Variants in LRRC8B observed in about 807,000 individuals in gnomAD.
LRRC8B encodes volume-regulated anion channel subunit LRRC8B.
LRRC8B carries 23 observed loss-of-function variants against 58.8 expected under a neutral mutation model. The ratio of observed to expected loss-of-function variants is 0.39; its 90% CI spans 0.28 to 0.55. LRRC8B has a LOEUF of 0.55. Ranked by LOEUF, LRRC8B falls within the 20% of genes least tolerant of loss-of-function variation. The pLI, the probability that LRRC8B is intolerant of heterozygous loss-of-function variation, is 0.62. For synonymous variants in LRRC8B, 359 were observed against 374.1 expected, an observed-to-expected ratio of 0.96 and a Z score of 0.47; for missense variants, 694 against 936.0, an observed-to-expected ratio of 0.74 and a Z score of 3.37.
chr1:89,535,898 T>C (rs1650491955), intron 1 of LRRC8B, among the ~76,000 whole-genome samples: 1 of 152,164 alleles, frequency 6.6e-6, no homozygotes, highest in Admixed American at 6.5e-5. Context: ...TGGGATTTTT[T>C]TTTTCTTTAC....
At chr1:89,564,811 G>A (rs753938318) in intron 1 of LRRC8B, among the ~76,000 whole-genome samples, 2 of 152,186 alleles carry the variant, frequency 1.3e-5, no homozygotes, top group Non-Finnish European at 2.9e-5. Context: ...AGGGGGACAA[G>A]TAGGGTAGCA....
chr1:89,551,400 T>G (rs1193260412), intron 1 of LRRC8B, among the ~76,000 whole-genome samples: 1 of 152,154 alleles, frequency 6.6e-6, no homozygotes, highest in East Asian at 1.9e-4. Flanking sequence ...TTTAAATGAC[T>G]ATGAAAAAAA....
At chr1:89,543,796 A>AT (rs200061096) in intron 1 of LRRC8B, among the ~76,000 whole-genome samples, 3,197 of 144,960 alleles carry the variant, frequency 0.022, 112 homozygotes, top group African/African-American at 0.077. Context: ...ATCCCTGGCC[A>AT]TTTTTTTTTG....
At chr1:89,528,921 C>T (rs890150900) in intron 1 of LRRC8B, among the ~76,000 whole-genome samples, 3 of 152,098 alleles carry the variant, frequency 2.0e-5, no homozygotes, top group Admixed American at 1.3e-4. Flanking sequence ...TTGCCTAGAA[C>T]TTAGTAACAT....
rs1654485662 is a variant in LRRC8B at position 89,584,540 on chromosome 1, G to A, written c.1890G>A (p.Gln630=). 1.9e-6 allele frequency: 3 copies of A among 1,614,076 alleles called. No individual in the cohort carries two copies. Among genetic ancestry groups the A allele is most frequent in the African/African-American group, 1.3e-5 (1 of 74,936 alleles). Residue 630 remains glutamine (Q), a synonymous_variant, in exon 5 of 6, where the codon CAG becomes CAA. Coordinates refer to ENST00000330947, the MANE Select transcript of LRRC8B (RefSeq NM_001369817.2). ...LKTVEEIISF[Q]HLQNLSCLKL... ...CTGTGGAAGAGATCATTAGCTTTCA[G>A]CATCTTCAGAATCTTTCCTGCTTAA... is the stretch of plus-strand genomic sequence containing the variant.
At position 89,592,784 on chromosome 1, in the gene LRRC8B, C is replaced by G; in HGVS notation, c.2153C>G (p.Pro718Arg). The G allele has an allele frequency of 6.2e-7, 1 of 1,613,798 alleles. No homozygotes were observed. Among genetic ancestry groups the G allele is most frequent in the Non-Finnish European group, 8.5e-7 (1 of 1,179,920 alleles). ...TTCCCTTTCCAGATTGAGATGCTAC[C>G]AGATGGGCTGTTTCAGTGCAAAAAG... ...AVTNNNIEMLPDGLFQCKKLQ... is the reference protein window; with the variant it reads ...AVTNNNIEMLRDGLFQCKKLQ... The change falls in exon 6 of 6, where the codon CCA becomes CGA. Residue 718 changes from proline to arginine, a missense_variant. This residue lies in a region of LRRC8B where 139 missense variants were observed against 158.2 expected (regional missense o/e 0.88). Coordinates refer to ENST00000330947, the MANE Select transcript of LRRC8B (RefSeq NM_001369817.2).
intron 1 of LRRC8B, among the ~76,000 whole-genome samples, chr1:89,531,133 C>A (rs1224445477): frequency 6.6e-6 from 1 of 152,108 alleles, no homozygotes; most frequent in African/African-American, 2.4e-5. Flanking sequence ...TTTCTTTTAA[C>A]AAAACTGAGT....
At position 89,541,603 on chromosome 1, in the gene LRRC8B, T is replaced by C. The variant is rs1363463388; in HGVS notation, c.-241+16581T>C. Reference sequence around the variant, plus strand: ...GCGGGCGCCTGTAGTCCCAGCTACTTGGGAGGCTGAGGCAGGAGAATGGCG... The same window carrying C: ...GCGGGCGCCTGTAGTCCCAGCTACTCGGGAGGCTGAGGCAGGAGAATGGCG... On this transcript the variant is annotated intron_variant, in intron 1 of 5. Coordinates refer to ENST00000330947, the MANE Select transcript of LRRC8B (RefSeq NM_001369817.2). 4.7e-5 allele frequency among the ~76,000 whole-genome samples: 7 copies of C among 147,524 alleles called. No homozygotes were observed. In the East Asian group the frequency reaches 7.9e-4, roughly 17 times the overall value.
At chr1:89,530,191 A>C (rs1650009046) in intron 1 of LRRC8B, among the ~76,000 whole-genome samples, 1 of 151,018 alleles carries the variant, frequency 6.6e-6, no homozygotes, top group Non-Finnish European at 1.5e-5. Flanking sequence ...TCTACAAAAA[A>C]TACAAAAAAA....
chr1:89,529,419 A>G (rs1174580539), intron 1 of LRRC8B, among the ~76,000 whole-genome samples: 1 of 152,218 alleles, frequency 6.6e-6, no homozygotes. Flanking sequence ...TAGCCTAAAA[A>G]CATGGCATGT....
chr1:89,592,658 A>T, intron 5 of LRRC8B, 113 bp from the exon 6 acceptor site: 1 of 874,966 alleles, frequency 1.1e-6, no homozygotes, highest in Non-Finnish European at 1.8e-6. Flanking sequence ...AGTCTGCATC[A>T]CTTATAAACC....
intron 3 of LRRC8B, among the ~76,000 whole-genome samples, chr1:89,575,378 C>T (rs1035124172): frequency 5.9e-5 from 9 of 152,090 alleles, no homozygotes; most frequent in African/African-American, 1.7e-4. Flanking sequence ...TGAGGACACT[C>T]GAAGAGCCAC....
rs918514555 is a variant in LRRC8B at position 89,571,092 on chromosome 1, A to G, written c.-125+2599A>G. Among the ~76,000 whole-genome samples, 17 of 152,302 alleles carry G rather than the reference A, an allele frequency of 1.1e-4. No homozygotes were observed. The South Asian group carries it at 1.2e-3, about 11-fold the overall frequency. Reference sequence around the variant, plus strand: ...TATGTGTCCGCTTTGTACCAGTACCATGCTATTTTTGGTTATTGTAGCCCT... The same window carrying G: ...TATGTGTCCGCTTTGTACCAGTACCGTGCTATTTTTGGTTATTGTAGCCCT... On this transcript the variant is annotated intron_variant, in intron 3 of 5. Coordinates refer to ENST00000330947, the MANE Select transcript of LRRC8B (RefSeq NM_001369817.2).
intron 1 of LRRC8B, among the ~76,000 whole-genome samples, chr1:89,561,847 C>T (rs553004206): frequency 6.6e-6 from 1 of 151,550 alleles, no homozygotes; most frequent in Admixed American, 6.6e-5. Context: ...GTTCTTTTGG[C>T]TTAGGATTGA....
intron 5 of LRRC8B, 85 bp from the exon 6 acceptor site, chr1:89,592,686 T>TG (rs912434792): frequency 7.4e-6 from 9 of 1,219,294 alleles, no homozygotes; most frequent in Middle Eastern, 2.0e-4. Context: ...ATGTTTTGTT[T>TG]TTTTTTTTTT....
chr1:89,536,501 AT>A (rs1650548885), intron 1 of LRRC8B, among the ~76,000 whole-genome samples: 1 of 152,194 alleles, frequency 6.6e-6, no homozygotes, highest in South Asian at 2.1e-4. Flanking sequence ...CATTCAATAC[AT>A]TTTTTTGAGC....
At chr1:89,536,934 A>G (rs1181845856) in intron 1 of LRRC8B, among the ~76,000 whole-genome samples, 1 of 152,156 alleles carries the variant, frequency 6.6e-6, no homozygotes, top group African/African-American at 2.4e-5. Flanking sequence ...ACACATACTC[A>G]TGTGTGTACA....
intron 5 of LRRC8B, among the ~76,000 whole-genome samples, chr1:89,586,749 A>G (rs1469637067): frequency 6.6e-6 from 1 of 152,262 alleles, no homozygotes; most frequent in Non-Finnish European, 1.5e-5. Context: ...GGGTTGTCCC[A>G]GAAATCTGAG....
At chr1:89,547,958 T>C (rs1195314000) in intron 1 of LRRC8B, among the ~76,000 whole-genome samples, 1 of 152,312 alleles carries the variant, frequency 6.6e-6, no homozygotes, top group East Asian at 1.9e-4. Context: ...TTATTTTCAG[T>C]CTAGCTGATT....
Sources: gnomAD v4.1 joint callset for allele counts (sites outside exome capture counted in the v4.1 genomes callset) on GRCh38, gnomAD v4.1.1 for gene constraint, gnomAD v4.1.1 regional missense constraint, MANE v1.5 for transcripts, NCBI Gene and HGNC (gene_info 2026-07-23, HGNC 2026-07-21) for gene names.